The following FAM3C variants were observed in gnomAD, a reference collection of about 807,000 sequenced individuals.
FAM3C encodes the protein protein FAM3C.
FAM3C carries 15 observed loss-of-function variants against 32.5 expected under a neutral mutation model. The ratio of observed to expected loss-of-function variants is 0.46; its 90% CI spans 0.31 to 0.71. The LOEUF is 0.71. FAM3C is among the 30% of genes least tolerant of loss of function. FAM3C has a pLI of 0.05. For missense variants in FAM3C, 175 were observed against 274.4 expected (o/e 0.64, Z 2.56); for synonymous variants, 75 against 86.1 (o/e 0.87, Z 0.72).
intron 5 of FAM3C, among the ~76,000 whole-genome samples, chr7:121,369,502 T>C (rs990974033): frequency 6.6e-6 from 1 of 152,216 alleles, no homozygotes; most frequent in South Asian, 2.1e-4. Context: ...GAATGGTTCC[T>C]GAAATAAGGA....
At chr7:121,382,220 T>C (rs1794371933) in intron 2 of FAM3C, among the ~76,000 whole-genome samples, 1 of 152,146 alleles carries the variant, frequency 6.6e-6, no homozygotes, top group African/African-American at 2.4e-5. Flanking sequence ...TAAACGTGTC[T>C]TTTTAGAATA....
At chr7:121,371,875 CCTT>C (rs1794154681) in intron 4 of FAM3C, among the ~76,000 whole-genome samples, 1 of 152,142 alleles carries the variant, frequency 6.6e-6, no homozygotes, top group Admixed American at 6.5e-5. Context: ...ACTCTTAACT[CCTT>C]CTCACACCAA....
chr7:121,351,347 C>A, intron 8 of FAM3C, 78 bp from the exon 9 acceptor site: 3 of 1,303,354 alleles, frequency 2.3e-6, no homozygotes, highest in South Asian at 1.9e-5. Flanking sequence ...GATATTAACA[C>A]AAAACATGAG....
At chr7:121,384,360 A>G (rs191540383) in intron 1 of FAM3C, among the ~76,000 whole-genome samples, 150 of 152,352 alleles carry the variant, frequency 9.8e-4, no homozygotes, top group African/African-American at 3.4e-3. Flanking sequence ...AAAAGCAGAA[A>G]AAAACCTCCG....
At chr7:121,370,369 T>A (rs1483557302) in intron 5 of FAM3C, among the ~76,000 whole-genome samples, 1 of 152,188 alleles carries the variant, frequency 6.6e-6, no homozygotes, top group East Asian at 1.9e-4. Context: ...GATAAAAATT[T>A]AAGAGCTTCA....
At chr7:121,385,205 T>C (rs1004056899) in intron 1 of FAM3C, among the ~76,000 whole-genome samples, 3 of 152,080 alleles carry the variant, frequency 2.0e-5, no homozygotes, top group African/African-American at 7.2e-5. Context: ...ATATAGATAT[T>C]AGAGCCACTT....
chr7:121,375,981 C>A (rs966699893), intron 3 of FAM3C, among the ~76,000 whole-genome samples: 1 of 152,210 alleles, frequency 6.6e-6, no homozygotes, highest in Non-Finnish European at 1.5e-5. Context: ...GCTTCTCCTA[C>A]CATCAACGTG....
intron 6 of FAM3C, 26 bp from the exon 7 acceptor site, chr7:121,362,973 A>G (rs779857293): frequency 9.1e-7 from 1 of 1,102,218 alleles, no homozygotes; most frequent in Admixed American, 1.8e-5. Flanking sequence ...TTCATATCAA[A>G]TTATGCATCT....
chr7:121,367,949 G>A (rs1455132142), intron 5 of FAM3C, among the ~76,000 whole-genome samples: 1 of 151,406 alleles, frequency 6.6e-6, no homozygotes, highest in Non-Finnish European at 1.5e-5. Context: ...CTGGGCAACA[G>A]AATGAGACCC....
rs548856608 is a variant in FAM3C at position 121,364,819 on chromosome 7, C to T, written c.273-631G>A. Among the ~76,000 whole-genome samples the T allele has an allele frequency of 4.6e-5, 7 of 152,222 alleles. No homozygotes were observed. In the South Asian group the frequency reaches 1.0e-3, roughly 23 times the overall value. On this transcript the variant is annotated intron_variant, in intron 5 of 9. Transcript: ENST00000359943. ...AGACCACTATATAAAGACAATGACACTGTAAAATGGAAGGTACCAGTGACA... is the reference window on the plus strand; with the variant it reads ...AGACCACTATATAAAGACAATGACATTGTAAAATGGAAGGTACCAGTGACA...
At chr7:121,359,755 T>C (rs928071653) in intron 8 of FAM3C, among the ~76,000 whole-genome samples, 1 of 151,970 alleles carries the variant, frequency 6.6e-6, no homozygotes, top group Admixed American at 6.6e-5. Flanking sequence ...AAAAATGCTA[T>C]TGAAGAATAT....
At chr7:121,382,421 A>T (rs2116947304) in intron 2 of FAM3C, among the ~76,000 whole-genome samples, 1 of 152,276 alleles carries the variant, frequency 6.6e-6, no homozygotes, top group East Asian at 1.9e-4. Context: ...GTACATACAT[A>T]TGAGACATTT....
At chr7:121,357,045 T>A (rs186004340) in intron 8 of FAM3C, among the ~76,000 whole-genome samples, 1 of 152,276 alleles carries the variant, frequency 6.6e-6, no homozygotes, top group Admixed American at 6.5e-5. Context: ...GGGCAAAATA[T>A]AAGGTACCAT....
At chr7:121,370,996 T>C (rs940771936) in intron 5 of FAM3C, among the ~76,000 whole-genome samples, 13 of 152,142 alleles carry the variant, frequency 8.5e-5, no homozygotes, top group African/African-American at 2.7e-4. Context: ...GGATCAAAAT[T>C]AAATAGCCAC....
rs1171368075 is a variant in FAM3C, at chr7:121,350,134, T to C, written c.*327A>G. ...CATGATATTTTCATAGCAACTAGTA[T>C]ATATATCAATATATTTTTCACAAAC... On this transcript the variant is annotated 3_prime_UTR_variant, in exon 10 of 10. Coordinates refer to ENST00000359943, the MANE Select transcript of FAM3C (RefSeq NM_014888.3). 7.5e-6 allele frequency: 2 copies of C among 266,500 alleles called. No individual in the cohort carries two copies. Among genetic ancestry groups the C allele is most frequent in the Non-Finnish European group, 1.4e-5 (2 of 140,704 alleles). 16.5% of individuals were successfully genotyped at this position (266,500 alleles called of 1,614,324 possible). A position where few individuals can be genotyped will look rare whatever the true frequency, so the allele number is the denominator to read the frequency against.
intron 1 of FAM3C, among the ~76,000 whole-genome samples, chr7:121,393,764 G>T (rs1052197856): frequency 1.3e-5 from 2 of 152,134 alleles, no homozygotes; most frequent in African/African-American, 4.8e-5. Context: ...AAGATTTTGG[G>T]AAATTACCTG....
intron 5 of FAM3C, among the ~76,000 whole-genome samples, chr7:121,364,846 A>G (rs1793994662): frequency 6.6e-6 from 1 of 152,120 alleles, no homozygotes; most frequent in Non-Finnish European, 1.5e-5. Context: ...CCAGTGACAA[A>G]TTTGCTGGTT....
intron 1 of FAM3C, 24 bp from the exon 2 acceptor site, chr7:121,383,034 A>C (rs2116949153): frequency 7.7e-7 from 1 of 1,299,838 alleles, no homozygotes; most frequent in Non-Finnish European, 1.1e-6. Context: ...ACAAAAAGCA[A>C]ATATCATTAG....
At chr7:121,396,072 G>C (rs1490666792) in intron 1 of FAM3C, 90 bp downstream of exon 1, 1 of 151,650 alleles carries the variant, frequency 6.6e-6, no homozygotes, top group Non-Finnish European at 1.5e-5. Flanking sequence ...CGCGGAGGCT[G>C]AAGTCGTAGG....
Sources: allele counts gnomAD v4.1 joint callset (sites outside exome capture counted in the v4.1 genomes callset), GRCh38; gene constraint gnomAD v4.1.1; transcripts MANE v1.5; gene names NCBI Gene and HGNC (gene_info 2026-07-23, HGNC 2026-07-21).